Variants in SLC9A9 observed in about 807,000 individuals in gnomAD.
SLC9A9 encodes solute carrier family 9 member A9.
SLC9A9 carries 62 observed loss-of-function variants against 77.8 expected under a neutral mutation model. That is an observed-to-expected ratio of 0.80 (90% confidence interval 0.65 to 0.98). SLC9A9 has a LOEUF of 0.98. SLC9A9 is among the 50% of genes least tolerant of loss of function. The probability of loss-of-function intolerance (pLI) is 0.00; values close to 1 mark genes in which losing one functional copy is unlikely to be tolerated. For missense variants in SLC9A9, 775 were observed against 774.9 expected, an observed-to-expected ratio of 1.00 and a Z score of 0.00; for synonymous variants, 320 against 283.5, an observed-to-expected ratio of 1.13 and a Z score of -1.29.
At chr3:143,715,749 A>C (rs1200109875) in intron 4 of SLC9A9, among the ~76,000 whole-genome samples, 1 of 152,198 alleles carries the variant, frequency 6.6e-6, no homozygotes, top group Non-Finnish European at 1.5e-5. Flanking sequence ...TCAGAGAGAC[A>C]AGAAACATCA....
intron 2 of SLC9A9, among the ~76,000 whole-genome samples, chr3:143,812,887 A>G (rs2008905682): frequency 6.6e-6 from 1 of 152,184 alleles, no homozygotes; most frequent in African/African-American, 2.4e-5. Context: ...TACTACATTA[A>G]GCCGCTGAGA....
intron 11 of SLC9A9, among the ~76,000 whole-genome samples, chr3:143,489,413 C>T (rs1251097080): frequency 6.6e-6 from 1 of 151,710 alleles, no homozygotes; most frequent in Non-Finnish European, 1.5e-5. Context: ...ATTTAAGAGG[C>T]CCCAAATAAC....
At chr3:143,827,064 T>C (rs2009318175) in intron 2 of SLC9A9, among the ~76,000 whole-genome samples, 1 of 152,232 alleles carries the variant, frequency 6.6e-6, no homozygotes. Context: ...TGAATGAAAG[T>C]ATGAAACAGA....
At chr3:143,615,493 C>T (rs181546762) in intron 6 of SLC9A9, among the ~76,000 whole-genome samples, 3 of 152,226 alleles carry the variant, frequency 2.0e-5, no homozygotes, top group Admixed American at 2.0e-4. Context: ...TCCTCTCTGT[C>T]TTGTAAGAGC....
At chr3:143,494,383 C>T (rs1576534633) in intron 10 of SLC9A9, among the ~76,000 whole-genome samples, 1 of 152,158 alleles carries the variant, frequency 6.6e-6, no homozygotes, top group African/African-American at 2.4e-5. Context: ...TGACTCCTTC[C>T]CCGATGGGCT....
chr3:143,830,358 G>T (rs989760409), intron 2 of SLC9A9, among the ~76,000 whole-genome samples: 6 of 152,282 alleles, frequency 3.9e-5, no homozygotes, highest in Admixed American at 2.6e-4. Flanking sequence ...TACCGAACTT[G>T]CAGAGCTCAT....
At chr3:143,404,510 C>G (rs148711606) in intron 12 of SLC9A9, among the ~76,000 whole-genome samples, 2,569 of 152,210 alleles carry the variant, frequency 0.017, 35 homozygotes, top group South Asian at 0.071. Context: ...TTTCTAATAG[C>G]TGCTTTGAAG....
At chr3:143,625,043 A>T (rs1377971916) in intron 6 of SLC9A9, among the ~76,000 whole-genome samples, 1 of 152,230 alleles carries the variant, frequency 6.6e-6, no homozygotes, top group African/African-American at 2.4e-5. Context: ...AATATGTAGG[A>T]ATCCAACTTA....
At chr3:143,812,634 C>T (rs978834355) in intron 2 of SLC9A9, among the ~76,000 whole-genome samples, 14 of 152,098 alleles carry the variant, frequency 9.2e-5, no homozygotes, top group African/African-American at 2.4e-4. Flanking sequence ...TGAATATGGA[C>T]GGAAATAATA....
At chr3:143,276,064 T>TC (rs5853103) in intron 14 of SLC9A9, among the ~76,000 whole-genome samples, 28,023 of 152,082 alleles carry the variant, frequency 0.18, 6,762 homozygotes, top group African/African-American at 0.56. Context: ...ACTGACCCTA[T>TC]CCTGCTCAAT....
At chr3:143,281,828 C>G (rs1291275249) in intron 14 of SLC9A9, among the ~76,000 whole-genome samples, 1 of 152,214 alleles carries the variant, frequency 6.6e-6, no homozygotes, top group African/African-American at 2.4e-5. Flanking sequence ...TCAGAGGCCT[C>G]CATCACGGTT....
intron 11 of SLC9A9, among the ~76,000 whole-genome samples, chr3:143,481,416 T>C (rs1249905370): frequency 6.6e-6 from 1 of 152,068 alleles, no homozygotes; most frequent in Non-Finnish European, 1.5e-5. Flanking sequence ...CCTGAGTGAA[T>C]AGGGAGGAAG....
chr3:143,672,240 T>G (rs1054999401), intron 5 of SLC9A9, among the ~76,000 whole-genome samples: 14 of 152,126 alleles, frequency 9.2e-5, no homozygotes, highest in Non-Finnish European at 2.9e-5. Context: ...TGAATTCTTG[T>G]GTAGAATATT....
intron 13 of SLC9A9, among the ~76,000 whole-genome samples, chr3:143,369,922 T>C (rs1205623887): frequency 1.3e-5 from 2 of 152,222 alleles, no homozygotes; most frequent in Non-Finnish European, 2.9e-5. Flanking sequence ...GAATTAAGTA[T>C]GCCTGCCAAT....
intron 1 of SLC9A9, among the ~76,000 whole-genome samples, chr3:143,844,017 C>T (rs1269733272): frequency 6.6e-6 from 1 of 152,070 alleles, no homozygotes; most frequent in Non-Finnish European, 1.5e-5. Flanking sequence ...GGTTATAAAG[C>T]TGCCACTAAT....
intron 5 of SLC9A9, among the ~76,000 whole-genome samples, chr3:143,692,745 C>A (rs946702271): frequency 6.6e-6 from 1 of 152,138 alleles, no homozygotes; most frequent in African/African-American, 2.4e-5. Context: ...GGGTTCCCTG[C>A]ACCACATTGG....
chr3:143,778,091 A>C (rs1576719708), intron 4 of SLC9A9, among the ~76,000 whole-genome samples: 1 of 149,074 alleles, frequency 6.7e-6, no homozygotes, highest in East Asian at 2.0e-4. Flanking sequence ...ACAGGATATA[A>C]ATCCAAATCT....
intron 1 of SLC9A9, among the ~76,000 whole-genome samples, chr3:143,841,822 C>T (rs913822295): frequency 2.0e-5 from 3 of 148,556 alleles, no homozygotes; most frequent in African/African-American, 2.5e-5. Context: ...GGTGCAATCT[C>T]GGCTCACTGC....
intron 5 of SLC9A9, among the ~76,000 whole-genome samples, chr3:143,668,205 A>T (rs1029472365): frequency 7.2e-5 from 11 of 151,834 alleles, no homozygotes; most frequent in Non-Finnish European, 1.5e-4. Context: ...GCTGGAAACC[A>T]TCATTCTCAG....
Sources: allele counts gnomAD v4.1 joint callset (sites outside exome capture counted in the v4.1 genomes callset), GRCh38; gene constraint gnomAD v4.1.1; transcripts MANE v1.5; gene names NCBI Gene and HGNC (gene_info 2026-07-23, HGNC 2026-07-21).